Variants in ZNF469 observed in about 807,000 individuals in gnomAD.
ZNF469 encodes zinc finger protein 469.
In ZNF469, 1 loss-of-function variant was observed where a neutral mutation model predicts 1.0. The observed-to-expected ratio is 1.00, with a 90% CI of 0.35 to 4.73. ZNF469 has a LOEUF of 4.73. Ranked by LOEUF, ZNF469 falls within the 30% of genes most tolerant of loss-of-function variation. The probability of loss-of-function intolerance (pLI) is 0.16; values close to 1 mark genes in which losing one functional copy is unlikely to be tolerated. For missense variants in ZNF469, 6,100 were observed against 5,356.3 expected (o/e 1.14, Z -4.33); for synonymous variants, 2,703 against 2,363.4 (o/e 1.14, Z -4.17).
the ZNF469 span, among the ~76,000 whole-genome samples, chr16:88,145,687 C>T: frequency 9.8e-5 from 15 of 152,368 alleles, no homozygotes; most frequent in East Asian, 3.9e-4. Flanking sequence ...TGGGCTTTCA[C>T]GTCCTCCTTA....
At chr16:88,135,748 G>GTTTTTTTTT in the ZNF469 span, among the ~76,000 whole-genome samples, 13 of 66,786 alleles carry the variant, frequency 1.9e-4, no homozygotes, top group Non-Finnish European at 2.1e-4. Context: ...AGCTGGCCAT[G>GTTTTTTTTT]TTTTTTTTTT....
chr16:88,316,926 C>G, the ZNF469 span, among the ~76,000 whole-genome samples: 5 of 152,150 alleles, frequency 3.3e-5, no homozygotes, highest in African/African-American at 7.2e-5. Context: ...AGGATGCACC[C>G]CCACAGAAAA....
the ZNF469 span, among the ~76,000 whole-genome samples, chr16:88,223,719 G>A: frequency 6.6e-6 from 1 of 152,248 alleles, no homozygotes; most frequent in Admixed American, 6.5e-5. Context: ...GGCTGGGACC[G>A]TGTGAAAGCA....
the ZNF469 span, among the ~76,000 whole-genome samples, chr16:88,281,030 A>G: frequency 6.6e-6 from 1 of 150,446 alleles, no homozygotes; most frequent in African/African-American, 2.5e-5. Flanking sequence ...GTGCTGGGCC[A>G]TGCTGACGCT....
chr16:88,146,651 C>T, the ZNF469 span, among the ~76,000 whole-genome samples: 71 of 152,034 alleles, frequency 4.7e-4, no homozygotes, highest in Non-Finnish European at 7.4e-4. Context: ...CGGCTGCTCC[C>T]GTGTGCTGTG....
rs770568316 is a variant in ZNF469, at chr16:88,431,693, C to T, written c.4223C>T (p.Pro1408Leu). 2.6e-5 allele frequency: 40 copies of T among 1,550,430 alleles called. No individual in the cohort carries two copies. Among genetic ancestry groups the T allele is most frequent in the Middle Eastern group, 1.7e-4 (1 of 5,992 alleles). Residue 1408 changes from proline to leucine, a missense_variant, in exon 3 of 3, where the codon CCG becomes CTG. Coordinates refer to ENST00000565624, the MANE Select transcript of ZNF469 (RefSeq NM_001367624.2). ...CCCAAGCCCTCAGCCAGGGATGCCC[C>T]GCCGGCCAGCAGCTCCTGCCTTTGC... The part of the protein sequence containing the change: ...LHPKPSARDA[P>L]PASSSCLCQD...
At chr16:88,406,636 C>T (rs888282651) in intron 1 of ZNF469, among the ~76,000 whole-genome samples, 3 of 152,204 alleles carry the variant, frequency 2.0e-5, no homozygotes, top group African/African-American at 7.2e-5. Context: ...GCTGACCCCA[C>T]GCGCCTGCAG....
chr16:88,250,467 T>G, the ZNF469 span, among the ~76,000 whole-genome samples: 4 of 152,234 alleles, frequency 2.6e-5, no homozygotes, highest in African/African-American at 9.6e-5. Flanking sequence ...TCGACGGATT[T>G]GTTTATCCTG....
chr16:88,236,301 C>T, the ZNF469 span, among the ~76,000 whole-genome samples: 1 of 152,264 alleles, frequency 6.6e-6, no homozygotes, highest in Non-Finnish European at 1.5e-5. Flanking sequence ...CACTCTATTC[C>T]TTCCAGGACC....
the ZNF469 span, among the ~76,000 whole-genome samples, chr16:88,351,230 C>T: frequency 1.3e-5 from 2 of 152,246 alleles, no homozygotes; most frequent in Non-Finnish European, 1.5e-5. Context: ...CGGCTGCCCC[C>T]TCCCACTGCT....
At chr16:88,137,848 G>C in the ZNF469 span, among the ~76,000 whole-genome samples, 1 of 152,200 alleles carries the variant, frequency 6.6e-6, no homozygotes, top group African/African-American at 2.4e-5. Flanking sequence ...GCAGAGCCCT[G>C]GGTTTGCAGA....
chr16:88,293,880 C>T, the ZNF469 span, among the ~76,000 whole-genome samples: 1 of 152,138 alleles, frequency 6.6e-6, no homozygotes, highest in African/African-American at 2.4e-5. Flanking sequence ...TCTTAGCCTT[C>T]GGTCTCTCTC....
chr16:88,111,588 C>G, the ZNF469 span, among the ~76,000 whole-genome samples: 1 of 152,104 alleles, frequency 6.6e-6, no homozygotes, highest in South Asian at 2.1e-4. Flanking sequence ...TGAGTTCAAT[C>G]GTTTTGATTT....
intron 1 of ZNF469, among the ~76,000 whole-genome samples, chr16:88,401,613 G>GGAT (rs1904864798): frequency 6.6e-6 from 1 of 150,744 alleles, no homozygotes; most frequent in Non-Finnish European, 1.5e-5. Flanking sequence ...ATAGTTGGGT[G>GGAT]AGTGGATGGA....
chr16:88,433,785 C>T lies in ZNF469; in HGVS notation c.6315C>T (p.Pro2105=). The part of the protein sequence containing the change: ...PLLATGDSPA[P]SVGDLAACAP... Reference sequence around the variant, plus strand: ...TGGCCACAGGGGATAGCCCAGCACCCTCTGTCGGGGACCTGGCCGCCTGCG... The same window carrying T: ...TGGCCACAGGGGATAGCCCAGCACCTTCTGTCGGGGACCTGGCCGCCTGCG... Residue 2105 remains proline (P), a synonymous_variant, in exon 3 of 3, where the codon CCC becomes CCT. Transcript: ENST00000565624. 6.5e-7 allele frequency: 1 copy of T among 1,549,710 alleles called. No homozygotes were observed. Among genetic ancestry groups the T allele is most frequent in the South Asian group, 1.2e-5 (1 of 84,060 alleles).
At chr16:88,308,811 C>T in the ZNF469 span, among the ~76,000 whole-genome samples, 1 of 152,316 alleles carries the variant, frequency 6.6e-6, no homozygotes, top group South Asian at 2.1e-4. Context: ...GTGCTGTCTG[C>T]AGAGCCATGA....
At chr16:88,383,696 C>T (rs2092531039) in intron 1 of ZNF469, among the ~76,000 whole-genome samples, 1 of 151,294 alleles carries the variant, frequency 6.6e-6, no homozygotes, top group East Asian at 2.0e-4. Flanking sequence ...CCAGCCGTGC[C>T]GCCGCCTCCT....
chr16:88,123,856 TGCAATGGA>T, the ZNF469 span, among the ~76,000 whole-genome samples: 1 of 152,122 alleles, frequency 6.6e-6, no homozygotes, highest in African/African-American at 2.4e-5. Flanking sequence ...CAGGCTGGAG[TGCAATGGA>T]GCAGTGTCGG....
intron 1 of ZNF469, among the ~76,000 whole-genome samples, chr16:88,414,128 A>G (rs1905245944): frequency 6.6e-6 from 1 of 152,180 alleles, no homozygotes; most frequent in African/African-American, 2.4e-5. Flanking sequence ...CAGTGGGTCC[A>G]CACCCTGTCA....
Sources: gnomAD v4.1 joint callset for allele counts (sites outside exome capture counted in the v4.1 genomes callset) on GRCh38, gnomAD v4.1.1 for gene constraint, MANE v1.5 for transcripts, NCBI Gene and HGNC (gene_info 2026-07-23, HGNC 2026-07-21) for gene names.